KCNV2: variants seen among roughly 807,000 people sequenced by gnomAD.
The protein encoded by KCNV2 is potassium voltage-gated channel subfamily V member 2.
A neutral mutation model predicts 37.0 loss-of-function variants in KCNV2; 65 were observed. That is an observed-to-expected ratio of 1.76 (90% CI 1.44 to 2.16). The LOEUF (loss-of-function observed/expected upper bound fraction) is 2.16. Ranked by LOEUF, KCNV2 falls within the 30% of genes most tolerant of loss-of-function variation. The pLI is 0.00. For missense variants in KCNV2, 1,232 were observed against 766.7 expected (o/e 1.61, Z -7.17); for synonymous variants, 518 against 328.6 (o/e 1.58, Z -6.23).
In KCNV2 at chr9:2,719,029, C is replaced by G. The variant is rs771957198; in HGVS notation, c.1290C>G (p.Tyr430Ter). Residue 430 changes from tyrosine to a stop codon, truncating the protein, a stop_gained, in exon 1 of 2, where the codon TAC (tyrosine) becomes TAG (stop). Transcript: ENST00000382082. LOFTEE classifies it high-confidence loss of function. ...TCTTCACTTTCTCTGCGGCTGTCTACTCTGTGGAGCACGATGTGCCCAGCA... is the reference window on the plus strand; with the variant it reads ...TCTTCACTTTCTCTGCGGCTGTCTAGTCTGTGGAGCACGATGTGCCCAGCA... ...MGIFTFSAAV[Y>*]SVEHDVPSTN... The G allele has an allele frequency of 6.2e-7, 1 of 1,612,848 alleles. No individual in the cohort carries two copies.
Position 2,718,932 on chromosome 9 carries a change from G to C in KCNV2, c.1193G>C (p.Arg398Pro), listed in dbSNP as rs748708161. Residue 398 changes from arginine to proline, a missense_variant, in exon 1 of 2, where the codon CGT (arginine) becomes CCT (proline). Arg to Pro is a moderately radical substitution (Grantham distance 103, BLOSUM62 -2). Coordinates refer to ENST00000382082, the MANE Select transcript of KCNV2 (RefSeq NM_133497.4). ...CTGGCGCGCCACTCCACCGGACTGCGTGCCTTCGGCTTCACGCTGCGCCAG... is the reference window on the plus strand; with the variant it reads ...CTGGCGCGCCACTCCACCGGACTGCCTGCCTTCGGCTTCACGCTGCGCCAG... ...LKLARHSTGL[R>P]AFGFTLRQCY... 1.9e-6 allele frequency: 3 copies of C among 1,609,404 alleles called. No homozygotes were observed. The highest frequency in any genetic ancestry group is 2.5e-6 in the Non-Finnish European group (3 of 1,179,996).
intron 1 of KCNV2, among the ~76,000 whole-genome samples, chr9:2,723,741 G>C (rs1002153499): frequency 6.6e-6 from 1 of 152,212 alleles, no homozygotes; most frequent in Non-Finnish European, 1.5e-5. Flanking sequence ...CTGAGGAAAA[G>C]AAAGAACCTA....
chr9:2,717,887 A>C lies in KCNV2; in HGVS notation c.148A>C (p.Asn50His), dbSNP rs757537568. 43 of 1,614,078 alleles carry C rather than the reference A, an allele frequency of 2.7e-5. No homozygotes were observed. Among genetic ancestry groups the C allele is most frequent in the Non-Finnish European group, 3.6e-5 (42 of 1,180,028 alleles). Reference protein sequence around the residue: ...QASIHGWTEGNYNYYIEEDED... With the variant: ...QASIHGWTEGHYNYYIEEDED... ...CAGCATCCACGGCTGGACAGAGGGC[A>C]ACTATAACTACTACATCGAGGAAGA... is the stretch of plus-strand genomic sequence containing the variant. The change falls in exon 1 of 2, where the codon AAC becomes CAC. Residue 50 changes from asparagine to histidine, a missense_variant. Coordinates refer to ENST00000382082, the MANE Select transcript of KCNV2 (RefSeq NM_133497.4).
Position 2,727,044 on chromosome 9 carries a change from A to G in KCNV2, c.1357-2402A>G, listed in dbSNP as rs1036053371. 3.9e-5 allele frequency among the ~76,000 whole-genome samples: 6 copies of G among 152,178 alleles called. No homozygotes were observed. In the East Asian group the frequency reaches 1.2e-3, roughly 29 times the overall value. ...AAGAGGTTGGGGACCGCTGTTCTAA[A>G]CTACCCCTTCCTGTCACTCACTCCT... On this transcript the variant is annotated intron_variant, in intron 1 of 1. Transcript: ENST00000382082.
At position 2,718,516 on chromosome 9, in the gene KCNV2, C is replaced by G. The variant is rs751450407; in HGVS notation, c.777C>G (p.Ala259=). The G allele has an allele frequency of 3.1e-6, 5 of 1,610,976 alleles. No homozygotes were observed. In the African/African-American group the frequency reaches 5.3e-5, roughly 17 times the overall value. The part of the protein sequence containing the change: ...LMEKPFSSVA[A]KAIGVASSTF... ...AGAAGCCATTCTCCTCGGTGGCCGC[C>G]AAGGCCATCGGGGTGGCCTCCAGCA... The change falls in exon 1 of 2, where the codon GCC becomes GCG. Residue 259 remains alanine (A), a synonymous_variant. Transcript: ENST00000382082.
At position 2,722,358 on chromosome 9, in the gene KCNV2, TATAA is replaced by T. The variant is rs1240990314; in HGVS notation, c.1356+3270_1356+3273del. ...ATTTATAAATAAATTAGAAGTTATT[TATAA>T]ATAAATTAGAAGTTATTTATAAATA... is the stretch of plus-strand genomic sequence containing the variant. On this transcript the variant is annotated intron_variant, in intron 1 of 1. Coordinates refer to ENST00000382082, the MANE Select transcript of KCNV2 (RefSeq NM_133497.4). 1.2e-3 allele frequency among the ~76,000 whole-genome samples: 164 copies of T among 137,516 alleles called. 16 individuals carry two copies. Among genetic ancestry groups the T allele is most frequent in the African/African-American group, 4.1e-3 (139 of 34,128 alleles). 90.2% of individuals were successfully genotyped at this position (137,516 alleles called of 152,430 possible). A position where few individuals can be genotyped will look rare whatever the true frequency, so the allele number is the denominator to read the frequency against.
At position 2,718,777 on chromosome 9, in the gene KCNV2, C is replaced by A. The variant is rs777263450; in HGVS notation, c.1038C>A (p.Leu346=). Reference sequence around the variant, plus strand: ...TGGACCTGGTGGCCATCCTGCCGCTCTACCTTCAGCTGCTGCTCGAGTGCT... The same window carrying A: ...TGGACCTGGTGGCCATCCTGCCGCTATACCTTCAGCTGCTGCTCGAGTGCT... ...NLVDLVAILP[L]YLQLLLECFT... Residue 346 remains leucine (L), a synonymous_variant, in exon 1 of 2, where the codon CTC becomes CTA. Transcript: ENST00000382082. The A allele has an allele frequency of 6.2e-7, 1 of 1,611,214 alleles. No individual in the cohort carries two copies. The highest frequency in any genetic ancestry group is 1.1e-5 in the South Asian group (1 of 91,082).
intron 1 of KCNV2, among the ~76,000 whole-genome samples, chr9:2,728,559 T>C (rs959464554): frequency 6.6e-6 from 1 of 152,214 alleles, no homozygotes; most frequent in African/African-American, 2.4e-5. Flanking sequence ...TAAATCAGTA[T>C]GACAAGAGTA....
Position 2,719,081 on chromosome 9 carries a change from T to G in KCNV2, c.1342T>G (p.Trp448Gly). Residue 448 changes from tryptophan to glycine, a missense_variant, in exon 1 of 2, where the codon TGG becomes GGG. Transcript: ENST00000382082. The stretch of plus-strand genomic sequence containing the variant: ...CAACTTCACTACCATCCCCCACTCC[T>G]GGTGGTGGGCCGCGGTGAGTACCTT... The part of the protein sequence containing the change: ...STNFTTIPHS[W>G]WWAAVSISTV... 5.0e-6 allele frequency: 8 copies of G among 1,610,840 alleles called. No homozygotes were observed. Among genetic ancestry groups the G allele is most frequent in the Non-Finnish European group, 6.8e-6 (8 of 1,179,994 alleles).
rs148050307 is a variant in KCNV2 at position 2,718,593 on chromosome 9, T to G, written c.854T>G (p.Met285Arg). The change falls in exon 1 of 2, where the codon ATG (methionine) becomes AGG (arginine). Residue 285 changes from methionine (M) to arginine (R), a missense_variant. Physicochemically the swap from Met to Arg is moderately conservative, Grantham distance 91. Transcript: ENST00000382082. ...CTGGCGCTCAACACCGTGGAGGAGA[T>G]GCAGCAGCACTCGGGGCAGGGCGAG... ...VALALNTVEE[M>R]QQHSGQGEGG... 1.1e-3 allele frequency: 1,770 copies of G among 1,613,006 alleles called. 18 individuals carry two copies. In the African/African-American group the frequency reaches 0.021, roughly 19 times the overall value.
At chr9:2,729,105 C>T (rs183197532) in intron 1 of KCNV2, among the ~76,000 whole-genome samples, 29 of 152,254 alleles carry the variant, frequency 1.9e-4, no homozygotes, top group East Asian at 1.5e-3. Flanking sequence ...TTACTGAGCA[C>T]GTTCTACATC....
chr9:2,720,027 A>G (rs1425758108), intron 1 of KCNV2, among the ~76,000 whole-genome samples: 1 of 152,278 alleles, frequency 6.6e-6, no homozygotes, highest in African/African-American at 2.4e-5. Context: ...GTCGGCATAT[A>G]TGAAGGAAAG....
At chr9:2,719,229 A>G (rs1819816300) in intron 1 of KCNV2, 134 bp downstream of exon 1, 5 of 962,516 alleles carry the variant, frequency 5.2e-6, no homozygotes, top group Non-Finnish European at 7.9e-6. Flanking sequence ...CGCCGCATAC[A>G]GCTAACAAAA....
chr9:2,729,514 C>T lies in KCNV2; in HGVS notation c.1425C>T (p.Phe475=). Reference sequence around the variant, plus strand: ...CCCACCTGGGCAGGTTTTTTGCCTTCCTCTGCATTGCTTTTGGGATCATTC... The same window carrying T: ...CCCACCTGGGCAGGTTTTTTGCCTTTCTCTGCATTGCTTTTGGGATCATTC... ...PETHLGRFFA[F]LCIAFGIILN... Residue 475 remains phenylalanine (F), a synonymous_variant, in exon 2 of 2, where the codon TTC becomes TTT. Transcript: ENST00000382082. 6.2e-7 allele frequency: 1 copy of T among 1,614,112 alleles called. No individual in the cohort carries two copies. The highest frequency in any genetic ancestry group is 8.5e-7 in the Non-Finnish European group (1 of 1,180,012).
chr9:2,729,008 T>C (rs1820017364), intron 1 of KCNV2, among the ~76,000 whole-genome samples: 1 of 152,100 alleles, frequency 6.6e-6, no homozygotes, highest in African/African-American at 2.4e-5. Flanking sequence ...AAGCCCAAGA[T>C]TTTTCCAATA....
intron 1 of KCNV2, among the ~76,000 whole-genome samples, chr9:2,727,857 T>C (rs191083926): frequency 2.0e-4 from 30 of 152,308 alleles, no homozygotes; most frequent in Non-Finnish European, 3.4e-4. Flanking sequence ...GCCCAACTTA[T>C]TCAGCTGGGA....
chr9:2,718,564 G>A lies in KCNV2; in HGVS notation c.825G>A (p.Val275=). Residue 275 remains valine, a synonymous_variant, in exon 1 of 2, where the codon GTG becomes GTA. Coordinates refer to ENST00000382082, the MANE Select transcript of KCNV2 (RefSeq NM_133497.4). ...GCACCTTCGTGCTCGTCTCCGTGGT[G>A]GCGCTGGCGCTCAACACCGTGGAGG... The part of the protein sequence containing the change: ...ASSTFVLVSV[V]ALALNTVEEM... 6.2e-7 allele frequency: 1 copy of A among 1,612,528 alleles called. No homozygotes were observed. The highest frequency in any genetic ancestry group is 8.5e-7 in the Non-Finnish European group (1 of 1,179,638).
intron 1 of KCNV2, among the ~76,000 whole-genome samples, chr9:2,728,260 C>T (rs936525654): frequency 3.9e-5 from 6 of 152,146 alleles, no homozygotes; most frequent in Non-Finnish European, 8.8e-5. Flanking sequence ...GCTTTACTGC[C>T]GTCTGCTGGA....
rs962948174 is a variant in KCNV2, at chr9:2,718,562, G to T, written c.823G>T (p.Val275Leu). ...ASSTFVLVSV[V>L]ALALNTVEEM... The stretch of plus-strand genomic sequence containing the variant: ...CAGCACCTTCGTGCTCGTCTCCGTG[G>T]TGGCGCTGGCGCTCAACACCGTGGA... Residue 275 changes from valine (V) to leucine (L), a missense_variant, in exon 1 of 2, where the codon GTG becomes TTG. Coordinates refer to ENST00000382082, the MANE Select transcript of KCNV2 (RefSeq NM_133497.4). 1 of 1,612,570 alleles carries T rather than the reference G, an allele frequency of 6.2e-7. No homozygotes were observed. The highest frequency in any genetic ancestry group is 8.5e-7 in the Non-Finnish European group (1 of 1,179,682).
Sources: gnomAD v4.1 joint callset for allele counts (sites outside exome capture counted in the v4.1 genomes callset) on GRCh38, gnomAD v4.1.1 for gene constraint, MANE v1.5 for transcripts, NCBI Gene and HGNC (gene_info 2026-07-23, HGNC 2026-07-21) for gene names.